PCDH15: variants seen among roughly 807,000 people sequenced by gnomAD.
The protein encoded by PCDH15 is protocadherin-15.
PCDH15 carries 129 observed loss-of-function variants against 178.5 expected under a neutral mutation model. The observed-to-expected ratio is 0.72, with a 90% CI of 0.63 to 0.84. The LOEUF (loss-of-function observed/expected upper bound fraction) is 0.84. Among genes scored for constraint, PCDH15 ranks in the 40% least tolerant of loss-of-function variants. The probability of loss-of-function intolerance (pLI) is 0.00; values close to 1 mark genes in which losing one functional copy is unlikely to be tolerated. For missense variants in PCDH15, 2,230 were observed against 2,099.9 expected (o/e 1.06, Z -1.21); for synonymous variants, 800 against 732.0 (o/e 1.09, Z -1.50).
At chr10:54,692,608 A>G (rs1321629824) in intron 1 of PCDH15, among the ~76,000 whole-genome samples, 1 of 152,204 alleles carries the variant, frequency 6.6e-6, no homozygotes, top group African/African-American at 2.4e-5. Flanking sequence ...GCTGTGATTC[A>G]GTTTACATAA....
intron 1 of PCDH15, among the ~76,000 whole-genome samples, chr10:55,252,670 G>A (rs892455500): frequency 1.3e-5 from 2 of 151,884 alleles, no homozygotes; most frequent in Non-Finnish European, 2.9e-5. Context: ...TAAATCCAAG[G>A]GCCAAGGGGG....
intron 3 of PCDH15, among the ~76,000 whole-genome samples, chr10:54,481,395 G>A (rs1009625401): frequency 1.3e-5 from 2 of 151,592 alleles, no homozygotes; most frequent in Admixed American, 1.3e-4. Context: ...CATAACAAAT[G>A]CTGATAAATA....
intron 2 of PCDH15, among the ~76,000 whole-genome samples, chr10:54,943,825 T>G (rs1286587539): frequency 6.7e-6 from 1 of 149,226 alleles, no homozygotes; most frequent in Non-Finnish European, 1.5e-5. Flanking sequence ...TTTCTGAGAG[T>G]AAAATAATTT....
At chr10:54,458,563 C>T (rs529372211) in intron 3 of PCDH15, among the ~76,000 whole-genome samples, 1 of 152,158 alleles carries the variant, frequency 6.6e-6, no homozygotes, top group African/African-American at 2.4e-5. Flanking sequence ...TTTATACACC[C>T]TTTGTGATGC....
At chr10:54,878,319 A>G (rs1243464398) in intron 3 of PCDH15, among the ~76,000 whole-genome samples, 2 of 152,108 alleles carry the variant, frequency 1.3e-5, no homozygotes, top group Non-Finnish European at 2.9e-5. Flanking sequence ...ATTATTTACA[A>G]TGTGTTTACT....
intron 2 of PCDH15, among the ~76,000 whole-genome samples, chr10:55,152,057 A>G (rs1838739685): frequency 6.6e-6 from 1 of 152,116 alleles, no homozygotes; most frequent in South Asian, 2.1e-4. Flanking sequence ...TCATTCCAGT[A>G]AGACAAGCAC....
chr10:54,397,487 G>T (rs1332770606), intron 3 of PCDH15, among the ~76,000 whole-genome samples: 2 of 151,938 alleles, frequency 1.3e-5, no homozygotes, highest in Non-Finnish European at 2.9e-5. Flanking sequence ...CAATAGCCTT[G>T]AATAAAGTCT....
chr10:54,574,144 T>A (rs1328596709), intron 2 of PCDH15, among the ~76,000 whole-genome samples: 1 of 151,360 alleles, frequency 6.6e-6, no homozygotes, highest in Admixed American at 6.6e-5. Flanking sequence ...TCTTCTAGGG[T>A]TTTTATGGTT....
At chr10:55,199,645 C>A (rs1840187503) in intron 1 of PCDH15, among the ~76,000 whole-genome samples, 2 of 151,986 alleles carry the variant, frequency 1.3e-5, no homozygotes, top group South Asian at 2.1e-4. Context: ...ATTTCAGGGA[C>A]CTTTGTGGCA....
chr10:54,494,521 C>T (rs1022304438), intron 3 of PCDH15, among the ~76,000 whole-genome samples: 6 of 152,042 alleles, frequency 3.9e-5, no homozygotes, highest in African/African-American at 1.4e-4. Context: ...CCATCTTCAG[C>T]CTGAATCAGT....
At chr10:55,627,893 C>T (rs1313806585) in exon 1 of PCDH15, 2 of 152,516 alleles carry the variant, frequency 1.3e-5, no homozygotes, top group East Asian at 3.9e-4. Flanking sequence ...CAAAGGGTCA[C>T]CCAGCGAGCC....
At chr10:54,667,279 C>T (rs2094586701) in intron 1 of PCDH15, among the ~76,000 whole-genome samples, 1 of 151,984 alleles carries the variant, frequency 6.6e-6, no homozygotes, top group Admixed American at 6.6e-5. Context: ...AAAGCTATGA[C>T]TCATCACATC....
rs115955599 is a variant in PCDH15 at position 55,156,471 on chromosome 10, C to A, written c.-80+10105G>T. Among the ~76,000 whole-genome samples the A allele has an allele frequency of 5.5e-3, 840 of 152,138 alleles. 5 individuals carry two copies. The highest frequency in any genetic ancestry group is 0.019 in the African/African-American group (788 of 41,514). ...TTGACCAATTGGCACCTCCATGTGG[C>A]AGTTTTATGTGTTTTAACCTAATAG... On this transcript the variant is annotated intron_variant, in intron 2 of 5. Coordinates refer to the PCDH15 transcript ENST00000458638.
intron 2 of PCDH15, among the ~76,000 whole-genome samples, chr10:55,040,335 C>T (rs187926124): frequency 1.1e-3 from 167 of 152,184 alleles, no homozygotes; most frequent in Middle Eastern, 6.8e-3. Flanking sequence ...ATGGTGGGCA[C>T]TCTCCTGGTT....
chr10:54,975,464 A>G (rs1839047192), intron 2 of PCDH15, among the ~76,000 whole-genome samples: 1 of 152,136 alleles, frequency 6.6e-6, no homozygotes. Context: ...GGAACCGTAG[A>G]TGTGTGAACT....
intron 2 of PCDH15, chr10:54,528,379 T>C: frequency 1.3e-6 from 2 of 1,573,770 alleles, no homozygotes; most frequent in Non-Finnish European, 1.7e-6. Flanking sequence ...TTTATTTTTG[T>C]CATCTTACCC....
chr10:53,925,938 T>C (rs890938244), intron 25 of PCDH15, among the ~76,000 whole-genome samples: 8 of 152,234 alleles, frequency 5.3e-5, no homozygotes, highest in African/African-American at 1.9e-4. Context: ...ACTCATGCTA[T>C]ATGATTTTTT....
intron 20 of PCDH15, among the ~76,000 whole-genome samples, chr10:54,018,006 C>T (rs2092796879): frequency 6.6e-6 from 1 of 152,058 alleles, no homozygotes; most frequent in African/African-American, 2.4e-5. Flanking sequence ...TCTAAGAAAA[C>T]CACTAGCATA....
chr10:55,214,208 G>T (rs1020966154), intron 1 of PCDH15, among the ~76,000 whole-genome samples: 1 of 151,916 alleles, frequency 6.6e-6, no homozygotes, highest in Admixed American at 6.6e-5. Flanking sequence ...GGAAAGCAAA[G>T]GTGTGTTTTC....
Sources: gnomAD v4.1 joint callset for allele counts (sites outside exome capture counted in the v4.1 genomes callset) on GRCh38, gnomAD v4.1.1 for gene constraint, MANE v1.5 for transcripts, NCBI Gene and HGNC (gene_info 2026-07-23, HGNC 2026-07-21) for gene names.